NRXN1: variants seen among roughly 807,000 people sequenced by gnomAD.
The protein encoded by NRXN1 is neurexin 1, also known as neurexin-1.
NRXN1 carries 39 observed loss-of-function variants against 150.9 expected under a neutral mutation model. That is an observed-to-expected ratio of 0.26 (90% CI 0.20 to 0.34). NRXN1 has a LOEUF of 0.34. Ranked by LOEUF, NRXN1 falls within the 10% of genes least tolerant of loss-of-function variation. The probability of loss-of-function intolerance (pLI) is 1.00; values close to 1 mark genes in which losing one functional copy is unlikely to be tolerated. For missense variants in NRXN1, 1,815 were observed against 1,949.9 expected, an observed-to-expected ratio of 0.93 and a Z score of 1.30; for synonymous variants, 924 against 757.0, an observed-to-expected ratio of 1.22 and a Z score of -3.62.
intron 18 of NRXN1, among the ~76,000 whole-genome samples, chr2:50,097,297 G>A (rs1268124647): frequency 1.3e-5 from 2 of 152,184 alleles, no homozygotes; most frequent in African/African-American, 4.8e-5. Context: ...GTAAACTTCT[G>A]TCATGCACCA....
rs1558806258 is a variant in NRXN1, at chr2:50,481,728, T to C, written c.3071-9257A>G. ...TGTTATTATCCATATCAACAGAACA[T>C]ATAATTCTTTCAATATTCTGAACTT... On this transcript the variant is annotated intron_variant, in intron 15 of 22. Transcript: ENST00000401669. 6.6e-5 allele frequency among the ~76,000 whole-genome samples: 10 copies of C among 151,202 alleles called. No homozygotes were observed. In the South Asian group the frequency reaches 2.1e-3, roughly 32 times the overall value.
chr2:50,376,663 A>G (rs2080521657), intron 17 of NRXN1, among the ~76,000 whole-genome samples: 1 of 152,194 alleles, frequency 6.6e-6, no homozygotes, highest in Non-Finnish European at 1.5e-5. Flanking sequence ...ATTAATAAAA[A>G]CATGAAGTGT....
At chr2:50,669,252 T>C (rs1688496768) in intron 5 of NRXN1, among the ~76,000 whole-genome samples, 2 of 151,946 alleles carry the variant, frequency 1.3e-5, no homozygotes, top group East Asian at 3.9e-4. Context: ...GCTCAGTTTA[T>C]TAAGTGAGGT....
chr2:50,445,353 A>T (rs2086307741), intron 17 of NRXN1, among the ~76,000 whole-genome samples: 1 of 152,212 alleles, frequency 6.6e-6, no homozygotes, highest in Non-Finnish European at 1.5e-5. Flanking sequence ...CAGTGCATAT[A>T]CCTAACAAAT....
intron 18 of NRXN1, among the ~76,000 whole-genome samples, chr2:50,113,669 G>T (rs138464011): frequency 1.1e-4 from 16 of 152,118 alleles, no homozygotes; most frequent in Non-Finnish European, 2.9e-5. Context: ...AATTCTAGAG[G>T]AGGAATATTT....
intron 7 of NRXN1, among the ~76,000 whole-genome samples, chr2:50,620,399 C>T (rs1256890629): frequency 6.6e-6 from 1 of 151,924 alleles, no homozygotes; most frequent in Non-Finnish European, 1.5e-5. Context: ...TTCAACTAGC[C>T]CTAAGAGATC....
At chr2:50,206,034 T>A (rs1015175206) in intron 18 of NRXN1, among the ~76,000 whole-genome samples, 1 of 152,048 alleles carries the variant, frequency 6.6e-6, no homozygotes, top group African/African-American at 2.4e-5. Flanking sequence ...TAAAAATCAT[T>A]AAATTGTACA....
chr2:50,033,229 C>G (rs1478873786), intron 21 of NRXN1, among the ~76,000 whole-genome samples: 2 of 151,934 alleles, frequency 1.3e-5, no homozygotes, highest in African/African-American at 4.8e-5. Flanking sequence ...TCAAAGAATA[C>G]TACAGGGCTA....
intron 12 of NRXN1, chr2:50,506,907 T>G: frequency 3.3e-6 from 1 of 299,680 alleles, no homozygotes; most frequent in Non-Finnish European, 6.3e-6. Flanking sequence ...CCATAACAAG[T>G]GAATTAACCT....
intron 9 of NRXN1, among the ~76,000 whole-genome samples, chr2:50,550,768 G>A (rs1667343983): frequency 1.3e-5 from 2 of 151,214 alleles, no homozygotes; most frequent in South Asian, 2.1e-4. Flanking sequence ...TGCAAAATCC[G>A]CCTCCCAGCT....
In NRXN1 at chr2:50,980,741, C is replaced by T. The variant is rs534586696; in HGVS notation, c.772+46761G>A. 1.1e-3 allele frequency among the ~76,000 whole-genome samples: 174 copies of T among 152,194 alleles called. 2 individuals are homozygous for T. The highest frequency in any genetic ancestry group is 1.5e-3 in the Non-Finnish European group (102 of 68,000). ...ACAACGCTATTGAAAACCAAAGTTGCCATATGATAAAGTGATATTTATTAA... is the reference window on the plus strand; with the variant it reads ...ACAACGCTATTGAAAACCAAAGTTGTCATATGATAAAGTGATATTTATTAA... On this transcript the variant is annotated intron_variant, in intron 2 of 22. Coordinates refer to ENST00000401669, the MANE Select transcript of NRXN1 (RefSeq NM_001330078.2).
At chr2:50,607,138 T>G (rs753367452) in intron 8 of NRXN1, among the ~76,000 whole-genome samples, 1 of 152,180 alleles carries the variant, frequency 6.6e-6, no homozygotes, top group Non-Finnish European at 1.5e-5. Flanking sequence ...CATAAAATTC[T>G]GATGTCCTAA....
intron 22 of NRXN1, among the ~76,000 whole-genome samples, chr2:49,928,211 C>T (rs1334066103): frequency 6.6e-6 from 1 of 151,284 alleles, no homozygotes; most frequent in Non-Finnish European, 1.5e-5. Flanking sequence ...CAGCACGCAT[C>T]ATTCTGCTAA....
At chr2:50,659,609 C>T (rs1434556465) in intron 5 of NRXN1, among the ~76,000 whole-genome samples, 1 of 151,766 alleles carries the variant, frequency 6.6e-6, no homozygotes, top group Non-Finnish European at 1.5e-5. Flanking sequence ...AAATATACTT[C>T]TATAAATGCC....
At chr2:50,171,800 G>A (rs367933160) in intron 18 of NRXN1, among the ~76,000 whole-genome samples, 1 of 152,154 alleles carries the variant, frequency 6.6e-6, no homozygotes, top group Non-Finnish European at 1.5e-5. Flanking sequence ...TGACATACCC[G>A]CCTGAAGGAA....
In NRXN1 at chr2:49,936,266, A is replaced by T. The variant is rs546187871; in HGVS notation, c.4216+7438T>A. Among the ~76,000 whole-genome samples, 149 of 152,302 alleles carry T rather than the reference A, an allele frequency of 9.8e-4. 1 individual carries two copies. Among genetic ancestry groups the T allele is most frequent in the Non-Finnish European group, 1.9e-3 (128 of 68,016 alleles). ...TAGTTAAAACATTTTAACAGAACCC[A>T]CTCTGTCTAATACCTAAAGAGACTG... On this transcript the variant is annotated intron_variant, in intron 22 of 22. Transcript: ENST00000401669.
At chr2:50,009,105 G>A (rs893159328) in intron 21 of NRXN1, among the ~76,000 whole-genome samples, 3 of 152,076 alleles carry the variant, frequency 2.0e-5, no homozygotes, top group Admixed American at 6.6e-5. Flanking sequence ...AAGCCTCCTT[G>A]GAGCATTTTT....
chr2:50,196,818 A>T (rs1245695203), intron 18 of NRXN1, among the ~76,000 whole-genome samples: 1 of 152,184 alleles, frequency 6.6e-6, no homozygotes, highest in Non-Finnish European at 1.5e-5. Flanking sequence ...CAGAAAACCA[A>T]ATACTGCATG....
intron 17 of NRXN1, among the ~76,000 whole-genome samples, chr2:50,463,203 T>A (rs184126811): frequency 1.3e-5 from 2 of 152,030 alleles, no homozygotes; most frequent in Non-Finnish European, 2.9e-5. Context: ...AGACAAGATT[T>A]ATTTTGATCA....
Sources: allele counts gnomAD v4.1 joint callset (sites outside exome capture counted in the v4.1 genomes callset), GRCh38; gene constraint gnomAD v4.1.1; transcripts MANE v1.5; gene names NCBI Gene and HGNC (gene_info 2026-07-23, HGNC 2026-07-21).